CNTN6: variants seen among roughly 807,000 people sequenced by gnomAD.
The protein encoded by CNTN6 is contactin-6.
CNTN6 carries 137 observed loss-of-function variants against 122.8 expected under a neutral mutation model. That is an observed-to-expected ratio of 1.12 (90% CI 0.97 to 1.29). CNTN6 has a LOEUF of 1.29. Among genes scored for constraint, CNTN6 ranks in the 50% most tolerant of loss-of-function variants. The probability of loss-of-function intolerance (pLI) is 0.00; values close to 1 mark genes in which losing one functional copy is unlikely to be tolerated. For missense variants in CNTN6, 1,634 were observed against 1,223.4 expected (o/e 1.34, Z -5.01); for synonymous variants, 570 against 426.0 (o/e 1.34, Z -4.16).
At chr3:1,103,439 G>A (rs1010911920) in intron 1 of CNTN6, among the ~76,000 whole-genome samples, 5 of 152,250 alleles carry the variant, frequency 3.3e-5, no homozygotes, top group African/African-American at 4.8e-5. Flanking sequence ...GTGCCTATGC[G>A]GTTTGTAGAA....
At chr3:1,379,392 G>A (rs1343396056) in intron 17 of CNTN6, among the ~76,000 whole-genome samples, 1 of 152,050 alleles carries the variant, frequency 6.6e-6, no homozygotes, top group Non-Finnish European at 1.5e-5. Context: ...CTATCTGGTA[G>A]CAACAATAGA....
At chr3:1,287,968 TTCC>T (rs201650951) in intron 5 of CNTN6, among the ~76,000 whole-genome samples, 5,702 of 152,276 alleles carry the variant, frequency 0.037, 160 homozygotes, top group South Asian at 0.065. Context: ...TTCCTCTACT[TTCC>T]TCATAAACTT....
chr3:1,389,975 C>A (rs1693854152), intron 20 of CNTN6, among the ~76,000 whole-genome samples: 1 of 150,832 alleles, frequency 6.6e-6, no homozygotes, highest in Non-Finnish European at 1.5e-5. Context: ...ACTTTAACAA[C>A]CCACTGTCAA....
chr3:1,255,325 T>C (rs1043956102), intron 4 of CNTN6, among the ~76,000 whole-genome samples: 1 of 151,416 alleles, frequency 6.6e-6, no homozygotes, highest in African/African-American at 2.4e-5. Flanking sequence ...CCCATGGTGA[T>C]ATGAGGAATG....
intron 20 of CNTN6, among the ~76,000 whole-genome samples, chr3:1,390,940 A>G (rs1474214274): frequency 2.7e-5 from 4 of 149,544 alleles, no homozygotes; most frequent in African/African-American, 9.9e-5. Flanking sequence ...AAAGTCCAGG[A>G]CCAGATGGAT....
Position 1,148,750 on chromosome 3 carries a change from G to C in CNTN6, c.55+687G>C, listed in dbSNP as rs563506086. On this transcript the variant is annotated intron_variant, in intron 2 of 22. Coordinates refer to ENST00000446702, the MANE Select transcript of CNTN6 (RefSeq NM_001289080.2). ...ACAAATCTGTGGGTTAACAACTTAC[G>C]ATGGGCTCAAATGGGTCTTCTTTTG... is the stretch of plus-strand genomic sequence containing the variant. Among the ~76,000 whole-genome samples the C allele has an allele frequency of 2.6e-5, 4 of 152,128 alleles. No homozygotes were observed. In the South Asian group the frequency reaches 8.3e-4, roughly 32 times the overall value.
intron 4 of CNTN6, among the ~76,000 whole-genome samples, chr3:1,269,941 G>T (rs962103091): frequency 1.3e-5 from 2 of 152,074 alleles, no homozygotes; most frequent in African/African-American, 2.4e-5. Flanking sequence ...ACTGTAAATG[G>T]ATTTGACACC....
intron 5 of CNTN6, among the ~76,000 whole-genome samples, chr3:1,283,746 T>C (rs1470898012): frequency 2.0e-5 from 3 of 152,156 alleles, no homozygotes; most frequent in Non-Finnish European, 4.4e-5. Context: ...ACACCTGTAA[T>C]CCCAGCACTT....
intron 12 of CNTN6, among the ~76,000 whole-genome samples, chr3:1,363,797 G>T (rs908033739): frequency 6.6e-5 from 10 of 151,832 alleles, no homozygotes; most frequent in African/African-American, 2.2e-4. Flanking sequence ...TTGCTGGGTT[G>T]TATGGTATCT....
chr3:1,372,522 T>G (rs1457988693), intron 13 of CNTN6, 48 bp downstream of exon 13: 2 of 1,436,934 alleles, frequency 1.4e-6, no homozygotes, highest in Non-Finnish European at 1.9e-6. Flanking sequence ...ATCAAGTCTT[T>G]TACATGAATC....
At chr3:1,245,662 C>CT (rs1220895274) in intron 4 of CNTN6, among the ~76,000 whole-genome samples, 4 of 151,384 alleles carry the variant, frequency 2.6e-5, no homozygotes, top group African/African-American at 9.7e-5. Flanking sequence ...CAAACACCAC[C>CT]TGTTTCCCAA....
At chr3:1,195,578 T>G (rs187276285) in intron 2 of CNTN6, among the ~76,000 whole-genome samples, 3 of 152,344 alleles carry the variant, frequency 2.0e-5, no homozygotes, top group Admixed American at 2.0e-4. Context: ...TTTCTGGGTC[T>G]ATACAGACAT....
intron 4 of CNTN6, 24 bp downstream of exon 4, chr3:1,228,017 A>G: frequency 6.2e-7 from 1 of 1,601,516 alleles, no homozygotes; most frequent in Non-Finnish European, 8.5e-7. Flanking sequence ...AAATTTTGTA[A>G]TCTTTGTCTC....
intron 4 of CNTN6, among the ~76,000 whole-genome samples, chr3:1,257,301 A>C (rs1287519565): frequency 2.0e-5 from 3 of 152,080 alleles, no homozygotes; most frequent in African/African-American, 7.2e-5. Flanking sequence ...TTTTTATTTT[A>C]ACTTGGCTAG....
chr3:1,394,889 G>A (rs977284168), intron 20 of CNTN6, among the ~76,000 whole-genome samples: 2 of 152,138 alleles, frequency 1.3e-5, no homozygotes, highest in African/African-American at 2.4e-5. Context: ...AATTAACCAT[G>A]AGTAATTTCA....
chr3:1,305,020 A>G (rs1185547276), intron 7 of CNTN6, among the ~76,000 whole-genome samples: 1 of 151,660 alleles, frequency 6.6e-6, no homozygotes, highest in Non-Finnish European at 1.5e-5. Flanking sequence ...TTCAAAAGAT[A>G]AACTTGTAAA....
At chr3:1,332,418 C>A (rs1702417152) in intron 11 of CNTN6, among the ~76,000 whole-genome samples, 2 of 150,988 alleles carry the variant, frequency 1.3e-5, no homozygotes, top group Admixed American at 1.3e-4. Flanking sequence ...TTTTTATAGT[C>A]TTATCGTGGG....
At chr3:1,140,891 C>T (rs532505828) in intron 1 of CNTN6, among the ~76,000 whole-genome samples, 1 of 152,240 alleles carries the variant, frequency 6.6e-6, no homozygotes, top group African/African-American at 2.4e-5. Flanking sequence ...TTATGGCTGC[C>T]TATTTTGAGA....
rs532338416 is a variant in CNTN6, at chr3:1,241,187, G to C, written c.358+13194G>C. Among the ~76,000 whole-genome samples the C allele has an allele frequency of 2.4e-4, 37 of 152,250 alleles. 1 individual carries two copies. In the South Asian group the frequency reaches 4.8e-3, roughly 20 times the overall value. The stretch of plus-strand genomic sequence containing the variant: ...TACTTCAGGCCATCTGGATGTATAC[G>C]TGCAAGTTACAGGGGATGCGATGGC... On this transcript the variant is annotated intron_variant, in intron 4 of 22. Coordinates refer to ENST00000446702, the MANE Select transcript of CNTN6 (RefSeq NM_001289080.2).
Sources: allele counts gnomAD v4.1 joint callset (sites outside exome capture counted in the v4.1 genomes callset), GRCh38; gene constraint gnomAD v4.1.1; transcripts MANE v1.5; gene names NCBI Gene and HGNC (gene_info 2026-07-23, HGNC 2026-07-21).